DACH2: variants seen among roughly 807,000 people sequenced by gnomAD.
DACH2 encodes the protein dachshund homolog 2.
A neutral mutation model predicts 35.8 loss-of-function variants in DACH2; 17 were observed. The ratio of observed to expected loss-of-function variants is 0.48; its 90% CI spans 0.33 to 0.71. The LOEUF is 0.71. Ranked by LOEUF, DACH2 falls within the 30% of genes least tolerant of loss-of-function variation. DACH2 has a pLI of 0.02. For missense variants in DACH2, 469 were observed against 472.7 expected (o/e 0.99, Z 0.07); for synonymous variants, 195 against 177.3 (o/e 1.10, Z -0.79).
chrX:86,690,560 G>C (rs1276008803), intron 4 of DACH2, among the ~76,000 whole-genome samples: 97 of 111,110 alleles, frequency 8.7e-4, no homozygotes, highest in Non-Finnish European at 1.3e-4. Context: ...ATCCTACAAA[G>C]AAAATGCAAC....
chrX:86,274,492 G>T (rs12007787), intron 1 of DACH2, among the ~76,000 whole-genome samples: 588 of 12,093 alleles, frequency 0.049, 15 homozygotes, highest in African/African-American at 0.22. Flanking sequence ...GAGTCTTTCT[G>T]TTTTTTTTTT....
chrX:86,167,223 C>T, intron 1 of DACH2, among the ~76,000 whole-genome samples: 1 of 111,451 alleles, frequency 9.0e-6, no homozygotes, highest in Non-Finnish European at 1.9e-5. Context: ...TTTATTACTG[C>T]TTCAATATCA....
chrX:86,689,268 T>C (rs1050652047), intron 4 of DACH2, among the ~76,000 whole-genome samples: 11 of 111,531 alleles, frequency 9.9e-5, no homozygotes, highest in Non-Finnish European at 1.9e-4. Flanking sequence ...TCTGAATGCA[T>C]ACAGGAAAAG....
chrX:86,726,567 G>A (rs1432444283), intron 6 of DACH2, among the ~76,000 whole-genome samples: 2 of 111,819 alleles, frequency 1.8e-5, no homozygotes, highest in South Asian at 7.5e-4. Flanking sequence ...CCTTGTCAGT[G>A]CTGCCTTGGG....
chrX:86,181,239 G>A (rs1468218059), intron 1 of DACH2, among the ~76,000 whole-genome samples: 4 of 109,459 alleles, frequency 3.7e-5, no homozygotes, highest in African/African-American at 6.7e-5. Context: ...AGAACGTGAA[G>A]GTTTGTTACA....
At chrX:86,577,158 C>T (rs1456581237) in intron 3 of DACH2, among the ~76,000 whole-genome samples, 5 of 111,502 alleles carry the variant, frequency 4.5e-5, no homozygotes, top group Middle Eastern at 4.7e-3. Context: ...ACCAAACCAA[C>T]GGCAGTTACT....
At chrX:86,286,149 C>A (rs2147990763) in intron 1 of DACH2, among the ~76,000 whole-genome samples, 1 of 41,240 alleles carries the variant, frequency 2.4e-5, no homozygotes, top group Non-Finnish European at 4.1e-5. Flanking sequence ...TGAGACGGAT[C>A]TCGCTCTGTC....
chrX:86,607,705 T>C (rs2039877324), intron 3 of DACH2, among the ~76,000 whole-genome samples: 1 of 102,516 alleles, frequency 9.8e-6, no homozygotes, highest in Non-Finnish European at 2.0e-5. Flanking sequence ...TAACTCGTCA[T>C]CTAGCATTAG....
intron 1 of DACH2, among the ~76,000 whole-genome samples, chrX:86,283,700 G>T (rs1394972258): frequency 9.5e-6 from 1 of 105,651 alleles, no homozygotes; most frequent in African/African-American, 3.5e-5. Flanking sequence ...CACAGGGAGG[G>T]GAACATCACA....
chrX:86,416,499 T>G (rs1277801501), intron 2 of DACH2, among the ~76,000 whole-genome samples: 2 of 112,136 alleles, frequency 1.8e-5, no homozygotes, highest in African/African-American at 6.5e-5. Context: ...GACACTTGAG[T>G]GCCTTTAAAC....
chrX:86,413,084 T>G (rs2036641938), intron 2 of DACH2, among the ~76,000 whole-genome samples: 1 of 111,265 alleles, frequency 9.0e-6, no homozygotes, highest in Admixed American at 9.6e-5. Flanking sequence ...CCCTAGAAAT[T>G]TTACTGAGGT....
At chrX:86,705,677 A>G (rs771787922) in intron 5 of DACH2, among the ~76,000 whole-genome samples, 124 of 111,459 alleles carry the variant, frequency 1.1e-3, no homozygotes, top group African/African-American at 3.9e-3. Context: ...ATGGAAAACA[A>G]TATGGAGATT....
intron 11 of DACH2, among the ~76,000 whole-genome samples, chrX:86,826,511 A>G (rs1404784054): frequency 9.0e-6 from 1 of 111,584 alleles, no homozygotes; most frequent in Non-Finnish European, 1.9e-5. Flanking sequence ...TGATTCCAAA[A>G]TAGTACTCTT....
chrX:86,754,720 C>G (rs1210163970), intron 7 of DACH2, among the ~76,000 whole-genome samples: 2 of 111,403 alleles, frequency 1.8e-5, no homozygotes. Flanking sequence ...AACATAGTTA[C>G]CTCCAATTCC....
At chrX:86,254,227 A>G (rs1328883144) in intron 1 of DACH2, among the ~76,000 whole-genome samples, 5 of 111,805 alleles carry the variant, frequency 4.5e-5, no homozygotes, top group African/African-American at 6.5e-5. Context: ...GATAAATTTG[A>G]CCATGTATTA....
At chrX:86,155,529 T>C (rs2030514324) in intron 1 of DACH2, among the ~76,000 whole-genome samples, 2 of 110,763 alleles carry the variant, frequency 1.8e-5, no homozygotes, top group Non-Finnish European at 3.8e-5. Flanking sequence ...ACTACCGTAC[T>C]TCATTTCATT....
rs149700368 is a variant in DACH2 at position 86,779,943 on chromosome X, C to T, written c.1241-32913C>T. ...CACCAGCCATTAGGTTGTTGCTGCT[C>T]ATGGACTAGGAACATCTCATCCTCC... On this transcript the variant is annotated intron_variant, in intron 7 of 11. Coordinates refer to ENST00000373125, the MANE Select transcript of DACH2 (RefSeq NM_053281.3). 2.0e-3 allele frequency among the ~76,000 whole-genome samples: 224 copies of T among 111,157 alleles called. 9 individuals are homozygous for T. The East Asian group carries it at 0.06, about 30-fold the overall frequency.
chrX:86,311,027 G>A (rs1215591772), intron 1 of DACH2, among the ~76,000 whole-genome samples: 1 of 109,737 alleles, frequency 9.1e-6, no homozygotes, highest in Non-Finnish European at 1.9e-5. Flanking sequence ...CCACTGCTGG[G>A]TGCTCAGTTT....
At chrX:86,434,406 A>G (rs2037033984) in intron 2 of DACH2, among the ~76,000 whole-genome samples, 1 of 111,979 alleles carries the variant, frequency 8.9e-6, no homozygotes, top group African/African-American at 3.2e-5. Flanking sequence ...CACTTATGAC[A>G]TGTTGATTGA....
Sources: allele counts gnomAD v4.1 joint callset (sites outside exome capture counted in the v4.1 genomes callset), GRCh38; gene constraint gnomAD v4.1.1; transcripts MANE v1.5; gene names NCBI Gene and HGNC (gene_info 2026-07-23, HGNC 2026-07-21).